LRP11: variants seen among roughly 807,000 people sequenced by gnomAD.
LRP11 encodes the protein low-density lipoprotein receptor-related protein 11.
A neutral mutation model predicts 43.1 loss-of-function variants in LRP11; 25 were observed. That is an observed-to-expected ratio of 0.58 (90% CI 0.42 to 0.81). LRP11 has a LOEUF of 0.81. Among genes scored for constraint, LRP11 ranks in the 30% least tolerant of loss-of-function variants. The pLI is 0.00. For missense variants in LRP11, 623 were observed against 665.1 expected, an observed-to-expected ratio of 0.94 and a Z score of 0.70; for synonymous variants, 316 against 299.4, an observed-to-expected ratio of 1.06 and a Z score of -0.57.
At position 149,820,601 on chromosome 6, in the gene LRP11, C is replaced by T. The variant is rs749525159; in HGVS notation, c.1451G>A (p.Arg484His). The T allele has an allele frequency of 8.6e-5, 67 of 780,804 alleles. No homozygotes were observed. Among genetic ancestry groups the T allele is most frequent in the South Asian group, 7.5e-4 (56 of 74,628 alleles). 48.4% of individuals were successfully genotyped at this position (780,804 alleles called of 1,614,324 possible). ...GTCCGATTCCTCAGATGTAATGGGA[C>T]GAGCTTTTTTCAGTTTCTGTTTCAC... ...RLVKQKLKKA[R>H]PITSEESDYL... The change falls in exon 7 of 7, where the codon CGT becomes CAT. Residue 484 changes from arginine (R) to histidine (H), a missense_variant. By Grantham distance (29) the Arg-to-His change is conservative (BLOSUM62 0). Transcript: ENST00000239367.
chr6:149,841,637 G>A (rs1021895778), intron 3 of LRP11, among the ~76,000 whole-genome samples: 2 of 152,188 alleles, frequency 1.3e-5, no homozygotes, highest in African/African-American at 4.8e-5. Flanking sequence ...GTTGGGCTGG[G>A]CGCGGTGGTT....
intron 6 of LRP11, among the ~76,000 whole-genome samples, chr6:149,821,948 C>T (rs1022013426): frequency 1.1e-4 from 17 of 152,288 alleles, no homozygotes; most frequent in Non-Finnish European, 2.2e-4. Flanking sequence ...TAAGCTAAGG[C>T]CAAGAATACC....
chr6:149,843,826 T>C (rs900723459), intron 2 of LRP11, among the ~76,000 whole-genome samples: 3 of 152,192 alleles, frequency 2.0e-5, no homozygotes, highest in South Asian at 2.1e-4. Flanking sequence ...TTCTGTTTGC[T>C]CACTTCCCAT....
Position 149,864,264 on chromosome 6 carries a change from G to A in LRP11, c.-244C>T. The A allele has an allele frequency of 2.8e-6, 3 of 1,071,308 alleles. No individual in the cohort carries two copies. Among genetic ancestry groups the A allele is most frequent in the Non-Finnish European group, 3.4e-6 (3 of 887,088 alleles). 66.4% of individuals were successfully genotyped at this position (1,071,308 alleles called of 1,614,324 possible). A position where few individuals can be genotyped will look rare whatever the true frequency, so the allele number is the denominator to read the frequency against. ...CCGCTCCTTGCCCTCGCCGGAGACT[G>A]CCCAGCGCCCTGCGCCTCTCCGCCC... On this transcript the variant is annotated 5_prime_UTR_variant, in exon 1 of 7. Coordinates refer to ENST00000239367, the MANE Select transcript of LRP11 (RefSeq NM_032832.6).
intron 2 of LRP11, among the ~76,000 whole-genome samples, chr6:149,851,168 G>T (rs1248599531): frequency 3.3e-5 from 5 of 152,152 alleles, no homozygotes; most frequent in Non-Finnish European, 7.3e-5. Context: ...ACACGATTGG[G>T]AACTGGTTCA....
In LRP11 at chr6:149,863,997, G is replaced by A; in HGVS notation, c.24C>T (p.Ser8=). ...GCGGTAGCCGGCGCTGCGAGCCCGC[G>A]CTCTCCTGGGCGACGGAGGCCATGG... MASVAQE[S]AGSQRRLPPR... The change falls in exon 1 of 7, where the codon AGC becomes AGT. Residue 8 remains serine, a synonymous_variant. Coordinates refer to ENST00000239367, the MANE Select transcript of LRP11 (RefSeq NM_032832.6). 1 of 1,368,262 alleles carries A rather than the reference G, an allele frequency of 7.3e-7. No homozygotes were observed. Among genetic ancestry groups the A allele is most frequent in the Non-Finnish European group, 9.4e-7 (1 of 1,069,088 alleles). The allele number at this position is 1,368,262 out of a possible 1,614,324, so 84.8% of individuals were successfully genotyped here.
chr6:149,863,339 C>T, intron 1 of LRP11, 69 bp downstream of exon 1: 7 of 1,293,990 alleles, frequency 5.4e-6, no homozygotes, highest in Non-Finnish European at 3.9e-6. Context: ...TGTTTCGCTT[C>T]CAACTTGGCG....
chr6:149,844,060 T>C (rs1776591978), intron 2 of LRP11, among the ~76,000 whole-genome samples: 1 of 152,090 alleles, frequency 6.6e-6, no homozygotes, highest in Non-Finnish European at 1.5e-5. Context: ...GGAGACCATC[T>C]TGGCCAACAT....
intron 5 of LRP11, among the ~76,000 whole-genome samples, chr6:149,829,180 T>G (rs992920675): frequency 1.3e-5 from 2 of 152,202 alleles, no homozygotes; most frequent in East Asian, 3.9e-4. Context: ...GGAACTTCTA[T>G]GCATTCTGCT....
At chr6:149,849,266 T>C (rs1441902860) in intron 2 of LRP11, among the ~76,000 whole-genome samples, 3 of 152,282 alleles carry the variant, frequency 2.0e-5, no homozygotes, top group Admixed American at 1.3e-4. Flanking sequence ...GATTTAAATG[T>C]ATTATGTTTA....
chr6:149,844,670 T>C lies in LRP11; in HGVS notation c.772-1546A>G, dbSNP rs374569550. Among the ~76,000 whole-genome samples, 42 of 152,362 alleles carry C rather than the reference T, an allele frequency of 2.8e-4. No individual in the cohort carries two copies. In the East Asian group the frequency reaches 3.1e-3, roughly 11 times the overall value. On this transcript the variant is annotated intron_variant, in intron 2 of 6. Coordinates refer to ENST00000239367, the MANE Select transcript of LRP11 (RefSeq NM_032832.6). ...TTGTCCTCTGCAGAATGCTGACCATTTGACATTCTATTACATTGATGCGTT... is the reference window on the plus strand; with the variant it reads ...TTGTCCTCTGCAGAATGCTGACCATCTGACATTCTATTACATTGATGCGTT...
chr6:149,823,047 T>C (rs1240445181), intron 6 of LRP11, among the ~76,000 whole-genome samples: 3 of 145,604 alleles, frequency 2.1e-5, no homozygotes, highest in African/African-American at 7.9e-5. Context: ...AACACCAGCA[T>C]TTAGAGGGCA....
chr6:149,826,356 CTA>C lies in LRP11; in HGVS notation c.1254_1255del (p.Asp418GlufsTer2). On this transcript the variant is annotated frameshift_variant and splice_region_variant, in exon 6 of 7. Transcript: ENST00000239367. ...TTTTCTGTTCTTCCCTGAGGAACTA[CTA>C]TCTGCAGAAAAGAAAGAGAACATAT... The C allele has an allele frequency of 6.2e-7, 1 of 1,605,778 alleles. No individual in the cohort carries two copies. The highest frequency in any genetic ancestry group is 8.5e-7 in the Non-Finnish European group (1 of 1,172,506).
intron 1 of LRP11, among the ~76,000 whole-genome samples, chr6:149,855,451 T>TA (rs1237866195): frequency 6.6e-6 from 1 of 152,120 alleles, no homozygotes; most frequent in Non-Finnish European, 1.5e-5. Flanking sequence ...TGAATGTAAA[T>TA]AAACACTGAA....
intron 5 of LRP11, among the ~76,000 whole-genome samples, chr6:149,828,123 G>A (rs889230481): frequency 2.0e-5 from 3 of 151,892 alleles, no homozygotes; most frequent in Non-Finnish European, 4.4e-5. Flanking sequence ...CTTGGGAGGC[G>A]GAGGGTGCAG....
At chr6:149,829,310 C>G (rs1476892084) in intron 5 of LRP11, among the ~76,000 whole-genome samples, 1 of 152,108 alleles carries the variant, frequency 6.6e-6, no homozygotes, top group African/African-American at 2.4e-5. Flanking sequence ...CCTGTAATCC[C>G]AGCACTTTAG....
rs1776265274 is a variant in LRP11 at position 149,820,592 on chromosome 6, G to A, written c.1460C>T (p.Thr487Ile). The part of the protein sequence containing the change: ...KQKLKKARPI[T>I]SEESDYLING... The stretch of plus-strand genomic sequence containing the variant: ...TATGAGGTAGTCCGATTCCTCAGAT[G>A]TAATGGGACGAGCTTTTTTCAGTTT... Residue 487 changes from threonine to isoleucine, a missense_variant, in exon 7 of 7, where the codon ACA (threonine) becomes ATA (isoleucine). Coordinates refer to ENST00000239367, the MANE Select transcript of LRP11 (RefSeq NM_032832.6). The A allele has an allele frequency of 1.3e-6, 1 of 781,030 alleles. No individual in the cohort carries two copies. Among genetic ancestry groups the A allele is most frequent in the Non-Finnish European group, 2.4e-6 (1 of 418,128 alleles). 48.4% of individuals were successfully genotyped at this position (781,030 alleles called of 1,614,324 possible).
chr6:149,860,789 T>C (rs1445347496), intron 1 of LRP11, among the ~76,000 whole-genome samples: 1 of 152,216 alleles, frequency 6.6e-6, no homozygotes, highest in Non-Finnish European at 1.5e-5. Flanking sequence ...TAGTGATCCC[T>C]TTCTCAGCTT....
chr6:149,861,531 T>C (rs1318334604), intron 1 of LRP11, among the ~76,000 whole-genome samples: 1 of 152,242 alleles, frequency 6.6e-6, no homozygotes, highest in Non-Finnish European at 1.5e-5. Flanking sequence ...TTTCTGTTTC[T>C]GAGGCAGTGT....
Sources: allele counts gnomAD v4.1 joint callset (sites outside exome capture counted in the v4.1 genomes callset), GRCh38; gene constraint gnomAD v4.1.1; transcripts MANE v1.5; gene names NCBI Gene and HGNC (gene_info 2026-07-23, HGNC 2026-07-21).